Variants in OSBPL5 observed in about 807,000 individuals in gnomAD.
The protein encoded by OSBPL5 is oxysterol-binding protein-related protein 5.
Under a neutral mutation model 111.2 loss-of-function variants are expected in OSBPL5, and 71 were observed. That is an observed-to-expected ratio of 0.64 (90% CI 0.53 to 0.78). The LOEUF (loss-of-function observed/expected upper bound fraction) is 0.78. Ranked by LOEUF, OSBPL5 falls within the 30% of genes least tolerant of loss-of-function variation. The pLI is 0.00. For synonymous variants in OSBPL5, 549 were observed against 513.9 expected (o/e 1.07, Z -0.93); for missense variants, 1,210 against 1,189.3 (o/e 1.02, Z -0.26).
At position 3,126,362 on chromosome 11, in the gene OSBPL5, G is replaced by C. The variant is rs2134468644; in HGVS notation, c.219+111C>G. The C allele has an allele frequency of 2.1e-6, 2 of 968,990 alleles. No homozygotes were observed. The highest frequency in any genetic ancestry group is 2.8e-5 in the East Asian group (1 of 35,236). The allele number at this position is 968,990 out of a possible 1,614,324, so 60.0% of individuals were successfully genotyped here. ...ATTGGGAGCTGTTTCCCCCGAACAG[G>C]CTGGAATGGCAGGCTCAGCTGGACG... On this transcript the variant is annotated intron_variant, in intron 3 of 21. Coordinates refer to ENST00000263650, the MANE Select transcript of OSBPL5 (RefSeq NM_020896.4). This position sits in a 1 kb window ranked among gnomAD's most constrained non-coding sequence, Gnocchi z 6.5.
At chr11:3,096,473 G>A (rs1283054199) in intron 14 of OSBPL5, among the ~76,000 whole-genome samples, 1 of 152,068 alleles carries the variant, frequency 6.6e-6, no homozygotes, top group East Asian at 1.9e-4. Context: ...ACAAAAATTA[G>A]CTAGGTGTGG....
rs1157590527 is a variant in OSBPL5 at position 3,092,793 on chromosome 11, C to T, written c.2132+74G>A. ...CTGAAGGTGAGAGGGAAGCCAGGAGCCCCTGGGCCCTTCTCAGCCCGTCTG... is the reference window on the plus strand; with the variant it reads ...CTGAAGGTGAGAGGGAAGCCAGGAGTCCCTGGGCCCTTCTCAGCCCGTCTG... On this transcript the variant is annotated intron_variant, in intron 18 of 21. Transcript: ENST00000263650. The surrounding 1 kb of genome is among the most constrained non-coding windows in gnomAD (Gnocchi z 5.4). The T allele has an allele frequency of 1.4e-6, 2 of 1,454,790 alleles. No homozygotes were observed. Among genetic ancestry groups the T allele is most frequent in the East Asian group, 2.5e-5 (1 of 39,890 alleles). 90.1% of individuals were successfully genotyped at this position (1,454,790 alleles called of 1,614,324 possible). A position where few individuals can be genotyped will look rare whatever the true frequency, so the allele number is the denominator to read the frequency against.
intron 14 of OSBPL5, 137 bp from the exon 15 acceptor site, chr11:3,094,471 C>G (rs1857182616): frequency 1.9e-5 from 12 of 644,754 alleles, no homozygotes; most frequent in South Asian, 1.8e-4. Context: ...TGTGTCAGTC[C>G]CTGGGAGGGT....
At position 3,136,176 on chromosome 11, in the gene OSBPL5, G is replaced by A. The variant is rs116717783; in HGVS notation, c.-21-7007C>T. Among the ~76,000 whole-genome samples, 1,120 of 152,288 alleles carry A rather than the reference G, an allele frequency of 7.4e-3. 9 individuals carry two copies. Among genetic ancestry groups the A allele is most frequent in the African/African-American group, 0.026 (1,069 of 41,566 alleles). On this transcript the variant is annotated intron_variant, in intron 1 of 21. Coordinates refer to ENST00000263650, the MANE Select transcript of OSBPL5 (RefSeq NM_020896.4). ...ACCCCACGCCAAGGCCAGCTGTTTGGCAGCATGGGGCCCAGGCCCAATGGG... is the reference window on the plus strand; with the variant it reads ...ACCCCACGCCAAGGCCAGCTGTTTGACAGCATGGGGCCCAGGCCCAATGGG...
intron 1 of OSBPL5, among the ~76,000 whole-genome samples, chr11:3,149,965 G>T (rs903362662): frequency 2.0e-5 from 3 of 152,092 alleles, no homozygotes; most frequent in Non-Finnish European, 4.4e-5. Context: ...ACAACCACAT[G>T]CATGGCACAC....
chr11:3,153,321 C>T (rs749299429), intron 1 of OSBPL5, among the ~76,000 whole-genome samples: 23 of 152,226 alleles, frequency 1.5e-4, no homozygotes, highest in Non-Finnish European at 3.2e-4. Flanking sequence ...GTTATAATGA[C>T]ACAAGTCAGC....
At chr11:3,103,880 G>GCAACCC (rs1564830843) in intron 10 of OSBPL5, among the ~76,000 whole-genome samples, 1 of 22,038 alleles carries the variant, frequency 4.5e-5, no homozygotes, top group African/African-American at 1.4e-4. Flanking sequence ...TCCTGCCTCT[G>GCAACCC]TAGCCCCATT....
Position 3,105,219 on chromosome 11 carries a change from C to A in OSBPL5, c.1060-842G>T, listed in dbSNP as rs536737351. Among the ~76,000 whole-genome samples, 4 of 152,344 alleles carry A rather than the reference C, an allele frequency of 2.6e-5. No homozygotes were observed. The South Asian group carries it at 6.2e-4, about 24-fold the overall frequency. On this transcript the variant is annotated intron_variant, in intron 9 of 21. Coordinates refer to ENST00000263650, the MANE Select transcript of OSBPL5 (RefSeq NM_020896.4). This position sits in a 1 kb window ranked among gnomAD's most constrained non-coding sequence, Gnocchi z 5.2. ...TCAGATCTGAACTCAGGGCTCTCTG[C>A]ATTTTTAGCCCAACGGCAGCTGCCC...
At chr11:3,145,429 C>T (rs748556774) in intron 1 of OSBPL5, among the ~76,000 whole-genome samples, 1 of 152,224 alleles carries the variant, frequency 6.6e-6, no homozygotes, top group African/African-American at 2.4e-5. Context: ...CCCCTCCTCC[C>T]GGGCCAGCAC....
In OSBPL5 at chr11:3,107,593, G is replaced by T. The variant is rs17263839; in HGVS notation, c.867-138C>A. On this transcript the variant is annotated intron_variant, in intron 8 of 21. Coordinates refer to ENST00000263650, the MANE Select transcript of OSBPL5 (RefSeq NM_020896.4). The surrounding 1 kb of genome is among the most constrained non-coding windows in gnomAD (Gnocchi z 6.1). ...CACCTCCACAACCCACATTTGACAC[G>T]ATCAGCCCCGTTTTAGAGGAAGGAA... The T allele has an allele frequency of 7.4e-7, 1 of 1,347,692 alleles. No homozygotes were observed. Among genetic ancestry groups the T allele is most frequent in the Non-Finnish European group, 1.0e-6 (1 of 969,640 alleles). 83.5% of individuals were successfully genotyped at this position (1,347,692 alleles called of 1,614,324 possible). A position where few individuals can be genotyped will look rare whatever the true frequency, so the allele number is the denominator to read the frequency against.
At position 3,117,188 on chromosome 11, in the gene OSBPL5, T is replaced by TTTAA. The variant is rs112458470; in HGVS notation, c.691+2355_691+2358dup. Among the ~76,000 whole-genome samples the TTTAA allele has an allele frequency of 1.3e-3, 192 of 152,332 alleles. 1 individual carries two copies. The highest frequency in any genetic ancestry group is 4.3e-3 in the African/African-American group (180 of 41,578). On this transcript the variant is annotated intron_variant, in intron 7 of 21. Transcript: ENST00000263650. ...CTTTGCCTGGAATGATGTGCTTTCC[T>TTTAA]TTAAGGACTCAAACTTGACTTATGG...
At chr11:3,157,577 C>T (rs1284937940) in intron 1 of OSBPL5, among the ~76,000 whole-genome samples, 1 of 152,228 alleles carries the variant, frequency 6.6e-6, no homozygotes, top group Non-Finnish European at 1.5e-5. Flanking sequence ...CACAGGCCAG[C>T]CCTGTGCTCA....
intron 1 of OSBPL5, among the ~76,000 whole-genome samples, chr11:3,155,944 C>T (rs928455645): frequency 6.6e-6 from 1 of 152,254 alleles, no homozygotes; most frequent in Non-Finnish European, 1.5e-5. Context: ...CAGGCTCAAG[C>T]CTGTGTTTCT....
intron 5 of OSBPL5, among the ~76,000 whole-genome samples, chr11:3,120,974 G>A (rs1280225192): frequency 6.6e-6 from 1 of 152,174 alleles, no homozygotes; most frequent in East Asian, 1.9e-4. Context: ...TACTTGTGAG[G>A]GTCACGTGGG....
intron 1 of OSBPL5, among the ~76,000 whole-genome samples, chr11:3,134,671 G>A (rs1012093627): frequency 6.6e-6 from 1 of 152,262 alleles, no homozygotes; most frequent in South Asian, 2.1e-4. Flanking sequence ...GTGGAGACCC[G>A]CTGTCCACCG....
chr11:3,129,944 C>A (rs758154052), intron 1 of OSBPL5, among the ~76,000 whole-genome samples: 12 of 152,260 alleles, frequency 7.9e-5, no homozygotes, highest in Non-Finnish European at 1.5e-4. Context: ...ACTGGCAGAC[C>A]TGCCTTTCCC....
At position 3,102,253 on chromosome 11, in the gene OSBPL5, A is replaced by C. The variant is rs761055362; in HGVS notation, c.1355T>G (p.Leu452Arg). ...CCAGCAGCAGCGGAAGGTCTCCCCC[A>C]GGATGGGGTTGTACGGCTTCTTGAT... is the stretch of plus-strand genomic sequence containing the variant. ...KGIKKPYNPI[L>R]GETFRCCWFH... The change falls in exon 12 of 22, where the codon CTG (leucine) becomes CGG (arginine). Residue 452 changes from leucine (L) to arginine (R), a missense_variant. Physicochemically the swap from Leu to Arg is moderately radical, Grantham distance 102. Coordinates refer to ENST00000263650, the MANE Select transcript of OSBPL5 (RefSeq NM_020896.4). 1 of 1,607,010 alleles carries C rather than the reference A, an allele frequency of 6.2e-7. No individual in the cohort carries two copies. The highest frequency in any genetic ancestry group is 8.5e-7 in the Non-Finnish European group (1 of 1,177,270).
At chr11:3,125,285 A>G (rs1226644949) in intron 3 of OSBPL5, among the ~76,000 whole-genome samples, 2 of 152,254 alleles carry the variant, frequency 1.3e-5, no homozygotes, top group East Asian at 3.8e-4. Context: ...GTCGCAAATC[A>G]TGTATCGGAT....
intron 15 of OSBPL5, 54 bp downstream of exon 15, chr11:3,094,183 C>G (rs1324820885): frequency 1.3e-6 from 2 of 1,549,110 alleles, no homozygotes; most frequent in African/African-American, 2.7e-5. Flanking sequence ...GGGGGATCCC[C>G]AAGGCTTCGT....
Sources: gnomAD v4.1 joint callset for allele counts (sites outside exome capture counted in the v4.1 genomes callset) on GRCh38, gnomAD v4.1.1 for gene constraint, Gnocchi (gnomAD v3.1) non-coding constraint, MANE v1.5 for transcripts, NCBI Gene and HGNC (gene_info 2026-07-23, HGNC 2026-07-21) for gene names.